The following SNX14 variants were observed in gnomAD, a reference collection of about 807,000 sequenced individuals.
SNX14 encodes the protein sorting nexin-14.
Under a neutral mutation model 133.8 loss-of-function variants are expected in SNX14, and 93 were observed. The ratio of observed to expected loss-of-function variants is 0.70; its 90% CI spans 0.59 to 0.83. The LOEUF (loss-of-function observed/expected upper bound fraction) is 0.83, where lower values mean the gene tolerates loss of function less well. Ranked by LOEUF, SNX14 falls within the 40% of genes least tolerant of loss-of-function variation. The pLI, the probability that SNX14 is intolerant of heterozygous loss-of-function variation, is 0.00. For missense variants in SNX14, 945 were observed against 1,094.9 expected (o/e 0.86, Z 1.93); for synonymous variants, 368 against 365.6 (o/e 1.01, Z -0.07).
chr6:85,507,128 A>G, intron 28 of SNX14, 105 bp downstream of exon 28: 1 of 1,045,846 alleles, frequency 9.6e-7, no homozygotes, highest in Non-Finnish European at 1.4e-6. Context: ...TTAAAGAACC[A>G]CAGAGAACAG....
chr6:85,530,437 G>T (rs1779865442), intron 18 of SNX14, among the ~76,000 whole-genome samples, 162 bp from the exon 19 acceptor site: 1 of 152,114 alleles, frequency 6.6e-6, no homozygotes, highest in South Asian at 2.1e-4. Context: ...TTGAGGTCAG[G>T]AGTTCGAGGC....
At chr6:85,565,503 T>C in intron 5 of SNX14, 84 bp from the exon 6 acceptor site, 1 of 972,222 alleles carries the variant, frequency 1.0e-6, no homozygotes, top group Admixed American at 3.1e-5. Context: ...ATTTTCCTTT[T>C]TTCTGTTTAC....
chr6:85,533,488 G>T, intron 18 of SNX14, 111 bp downstream of exon 18: 2 of 961,956 alleles, frequency 2.1e-6, no homozygotes, highest in Non-Finnish European at 3.1e-6. Context: ...CTTCTCTTTT[G>T]GATATGCAGC....
chr6:85,546,968 A>C, intron 12 of SNX14, 144 bp downstream of exon 12: 2 of 342,446 alleles, frequency 5.8e-6, no homozygotes, highest in Non-Finnish European at 9.8e-6. Flanking sequence ...CCTCAAACAA[A>C]AAAAAAAAAA....
At chr6:85,515,282 A>C (rs1774536676) in intron 23 of SNX14, among the ~76,000 whole-genome samples, 1 of 149,922 alleles carries the variant, frequency 6.7e-6, no homozygotes, top group South Asian at 2.1e-4. Context: ...AAAAAAAAAA[A>C]AAAAACACTA....
chr6:85,524,176 A>C (rs1008106876), intron 21 of SNX14, among the ~76,000 whole-genome samples: 2 of 151,918 alleles, frequency 1.3e-5, no homozygotes, highest in Non-Finnish European at 2.9e-5. Context: ...CGACAGACCA[A>C]GACTCCATCT....
intron 13 of SNX14, 140 bp from the exon 14 acceptor site, chr6:85,543,446 A>G (rs1784440019): frequency 2.8e-6 from 3 of 1,055,460 alleles, no homozygotes; most frequent in East Asian, 2.8e-5. Flanking sequence ...ACAAATACAT[A>G]AAGTATAAAT....
intron 21 of SNX14, among the ~76,000 whole-genome samples, chr6:85,524,407 C>T (rs1239351439): frequency 6.6e-6 from 1 of 152,006 alleles, no homozygotes; most frequent in African/African-American, 2.4e-5. Flanking sequence ...TAATGAATGC[C>T]AAAGGCAAAG....
intron 1 of SNX14, chr6:85,589,225 CTTTTTT>C: frequency 3.8e-5 from 5 of 130,730 alleles, no homozygotes; most frequent in Non-Finnish European, 4.8e-5. Context: ...TCTGGCACCA[CTTTTTT>C]TTTTTTTTTT....
chr6:85,536,132 A>G (rs975048781), intron 17 of SNX14, among the ~76,000 whole-genome samples: 1 of 152,204 alleles, frequency 6.6e-6, no homozygotes, highest in Non-Finnish European at 1.5e-5. Context: ...GTTCAGTTCA[A>G]CTTGGGGATT....
chr6:85,578,992 G>T (rs1798190900), intron 1 of SNX14, among the ~76,000 whole-genome samples: 1 of 152,070 alleles, frequency 6.6e-6, no homozygotes. Flanking sequence ...AAAAAAATTA[G>T]CCGGGCATGG....
At chr6:85,575,753 A>G (rs1353834024) in intron 1 of SNX14, among the ~76,000 whole-genome samples, 5 of 152,224 alleles carry the variant, frequency 3.3e-5, no homozygotes. Context: ...TTATGGCACA[A>G]GGATGAAAAT....
chr6:85,586,406 T>C (rs1443343389), intron 1 of SNX14, among the ~76,000 whole-genome samples: 7 of 152,288 alleles, frequency 4.6e-5, no homozygotes, highest in Admixed American at 4.6e-4. Context: ...TTAGAAAAGC[T>C]TGAGATGTAG....
At chr6:85,530,945 A>G (rs1780097509) in intron 18 of SNX14, among the ~76,000 whole-genome samples, 1 of 152,150 alleles carries the variant, frequency 6.6e-6, no homozygotes, top group African/African-American at 2.4e-5. Context: ...TCAAATATTT[A>G]CCATATTGTC....
In SNX14 at chr6:85,536,772, A is replaced by T. The variant is rs1401681725; in HGVS notation, c.1608+20T>A. On this transcript the variant is annotated intron_variant, in intron 17 of 28. Transcript: ENST00000314673. The stretch of plus-strand genomic sequence containing the variant: ...TAAGTCTGAAGTTATAAATAAATCA[A>T]ATTGATACATTTTACTTACAAAATC... 2 of 1,601,926 alleles carry T rather than the reference A, an allele frequency of 1.2e-6. No individual in the cohort carries two copies. Among genetic ancestry groups the T allele is most frequent in the Admixed American group, 1.7e-5 (1 of 57,152 alleles).
In SNX14 at chr6:85,528,210, T is replaced by C. The variant is rs542663919; in HGVS notation, c.1995+52A>G. ...ATACACAAGAGAAAAAGAGACAAAT[T>C]AGAGAATGCTATGATTAGCAACATT... On this transcript the variant is annotated intron_variant, in intron 20 of 28. Transcript: ENST00000314673. The C allele has an allele frequency of 2.4e-6, 3 of 1,260,758 alleles. No individual in the cohort carries two copies. The African/African-American group carries it at 4.5e-5, about 19-fold the overall frequency. 78.1% of individuals were successfully genotyped at this position (1,260,758 alleles called of 1,614,324 possible).
chr6:85,514,041 A>G (rs1773909020), intron 25 of SNX14, 29 bp downstream of exon 25: 1 of 1,587,718 alleles, frequency 6.3e-7, no homozygotes, highest in South Asian at 1.2e-5. Flanking sequence ...TACACAAAAT[A>G]TGAAACAAAC....
At chr6:85,564,805 C>T (rs766510614) in intron 6 of SNX14, among the ~76,000 whole-genome samples, 8 of 151,710 alleles carry the variant, frequency 5.3e-5, no homozygotes, top group Non-Finnish European at 8.8e-5. Flanking sequence ...CTGGCTAACA[C>T]GGTGAAACCC....
At chr6:85,520,864 C>A (rs1246879965) in intron 21 of SNX14, among the ~76,000 whole-genome samples, 1 of 152,158 alleles carries the variant, frequency 6.6e-6, no homozygotes, top group East Asian at 1.9e-4. Context: ...TCTGTCCATT[C>A]AATTGCTGAT....
Sources: allele counts gnomAD v4.1 joint callset (sites outside exome capture counted in the v4.1 genomes callset), GRCh38; gene constraint gnomAD v4.1.1; transcripts MANE v1.5; gene names NCBI Gene and HGNC (gene_info 2026-07-23, HGNC 2026-07-21).